The following MAGI2 variants were observed in gnomAD, a reference collection of about 807,000 sequenced individuals.
MAGI2 encodes the protein membrane associated guanylate kinase, WW and PDZ domain containing 2.
A neutral mutation model predicts 133.3 loss-of-function variants in MAGI2; 35 were observed. That is an observed-to-expected ratio of 0.26 (90% CI 0.20 to 0.35). The LOEUF is 0.35. Ranked by LOEUF, MAGI2 falls within the 10% of genes least tolerant of loss-of-function variation. The pLI is 1.00. For missense variants in MAGI2, 1,636 were observed against 1,863.4 expected (o/e 0.88, Z 2.25); for synonymous variants, 729 against 710.6 (o/e 1.03, Z -0.41).
chr7:78,973,280 A>C (rs1025895931), intron 2 of MAGI2, among the ~76,000 whole-genome samples: 21 of 151,994 alleles, frequency 1.4e-4, no homozygotes, highest in Admixed American at 1.2e-3. Flanking sequence ...TCTAGGTATA[A>C]CTATTGTTTA....
intron 2 of MAGI2, among the ~76,000 whole-genome samples, chr7:78,980,672 A>AT (rs1226717267): frequency 6.6e-6 from 1 of 151,834 alleles, no homozygotes; most frequent in African/African-American, 2.4e-5. Flanking sequence ...CCTATTTTAG[A>AT]TTTAATAATT....
intron 2 of MAGI2, among the ~76,000 whole-genome samples, chr7:79,003,679 C>T (rs1321361684): frequency 1.3e-5 from 2 of 152,196 alleles, no homozygotes; most frequent in African/African-American, 4.8e-5. Flanking sequence ...ATCATGGACA[C>T]ACTTCTACTG....
chr7:79,045,346 G>A (rs1812073681), intron 1 of MAGI2, among the ~76,000 whole-genome samples: 1 of 152,160 alleles, frequency 6.6e-6, no homozygotes, highest in South Asian at 2.1e-4. Context: ...TGCTTAAAAT[G>A]AGTGCATTTT....
intron 2 of MAGI2, among the ~76,000 whole-genome samples, chr7:78,916,019 G>T (rs1193805276): frequency 6.6e-6 from 1 of 152,036 alleles, no homozygotes; most frequent in Non-Finnish European, 1.5e-5. Context: ...TTATATAAGA[G>T]AGATGGATTA....
intron 1 of MAGI2, among the ~76,000 whole-genome samples, chr7:79,032,299 T>C (rs1810669339): frequency 1.3e-5 from 2 of 152,038 alleles, no homozygotes; most frequent in Admixed American, 1.3e-4. Flanking sequence ...GGCAGATCAT[T>C]TGAGGTCAGG....
At chr7:78,483,553 GC>G (rs1792651789) in intron 6 of MAGI2, among the ~76,000 whole-genome samples, 2 of 151,602 alleles carry the variant, frequency 1.3e-5, no homozygotes, top group Non-Finnish European at 2.9e-5. Context: ...ACAGATGCCA[GC>G]CACAACCCAA....
At chr7:79,050,151 A>C (rs1812543534) in intron 1 of MAGI2, among the ~76,000 whole-genome samples, 1 of 152,134 alleles carries the variant, frequency 6.6e-6, no homozygotes, top group Non-Finnish European at 1.5e-5. Context: ...AGTTTCAGCT[A>C]GAAGTCTGTT....
At chr7:78,983,160 G>A (rs1188378503) in intron 2 of MAGI2, among the ~76,000 whole-genome samples, 2 of 151,878 alleles carry the variant, frequency 1.3e-5, no homozygotes, top group African/African-American at 4.8e-5. Flanking sequence ...CTTTTAAAAT[G>A]TGGTTAGTAA....
intron 16 of MAGI2, among the ~76,000 whole-genome samples, chr7:78,149,893 T>C (rs900277169): frequency 3.3e-5 from 5 of 152,120 alleles, no homozygotes; most frequent in African/African-American, 4.8e-5. Context: ...AGAGGTCAGA[T>C]TGAAAAATGA....
At chr7:78,157,753 T>A (rs2150599932) in intron 16 of MAGI2, among the ~76,000 whole-genome samples, 1 of 152,350 alleles carries the variant, frequency 6.6e-6, no homozygotes, top group East Asian at 1.9e-4. Context: ...GAAGGCTGTT[T>A]ATATAATTCA....
chr7:78,264,956 C>G (rs908362992), intron 9 of MAGI2, among the ~76,000 whole-genome samples: 1 of 152,134 alleles, frequency 6.6e-6, no homozygotes, highest in African/African-American at 2.4e-5. Flanking sequence ...ACACTCTTAT[C>G]TATAGGCAGA....
intron 1 of MAGI2, among the ~76,000 whole-genome samples, chr7:79,143,387 C>T (rs976595664): frequency 6.6e-6 from 1 of 152,194 alleles, no homozygotes; most frequent in African/African-American, 2.4e-5. Context: ...TATGCAAACA[C>T]AGGTTTGTTG....
intron 2 of MAGI2, among the ~76,000 whole-genome samples, chr7:78,689,403 C>T (rs1816713345): frequency 6.6e-6 from 1 of 151,796 alleles, no homozygotes; most frequent in African/African-American, 2.4e-5. Flanking sequence ...AGAAAAAAAC[C>T]ATTCTTTTAA....
At chr7:78,799,303 G>T (rs1787869400) in intron 2 of MAGI2, among the ~76,000 whole-genome samples, 1 of 152,132 alleles carries the variant, frequency 6.6e-6, no homozygotes, top group Admixed American at 6.6e-5. Context: ...AATTCTGTAA[G>T]CATTACCTGG....
intron 1 of MAGI2, among the ~76,000 whole-genome samples, chr7:79,210,694 C>T (rs1829429573): frequency 6.6e-6 from 1 of 152,088 alleles, no homozygotes; most frequent in South Asian, 2.1e-4. Context: ...ACATTTCATT[C>T]TACTTCCAGC....
At chr7:79,315,739 T>C (rs1838673942) in intron 1 of MAGI2, among the ~76,000 whole-genome samples, 1 of 152,062 alleles carries the variant, frequency 6.6e-6, no homozygotes, top group Non-Finnish European at 1.5e-5. Flanking sequence ...TAAAGTCCAG[T>C]AACTCTGGGC....
At position 78,306,083 on chromosome 7, in the gene MAGI2, G is replaced by A. The variant is rs555253376; in HGVS notation, c.1408+37695C>T. ...CAAGTCGTTGTTGTGGTAACAAAGA[G>A]AAGACCACCTGTGTTTGTTGAACTG... is the stretch of plus-strand genomic sequence containing the variant. On this transcript the variant is annotated intron_variant, in intron 9 of 21. Transcript: ENST00000354212. Among the ~76,000 whole-genome samples the A allele has an allele frequency of 3.9e-5, 6 of 152,266 alleles. No homozygotes were observed. The South Asian group carries it at 1.0e-3, about 26-fold the overall frequency.
intron 2 of MAGI2, among the ~76,000 whole-genome samples, chr7:78,793,632 T>A (rs911176658): frequency 6.6e-6 from 1 of 152,202 alleles, no homozygotes; most frequent in Non-Finnish European, 1.5e-5. Flanking sequence ...ATCTTCTCAA[T>A]AGATTTAGAA....
At chr7:79,448,945 A>G (rs1415366069) in intron 1 of MAGI2, among the ~76,000 whole-genome samples, 1 of 152,142 alleles carries the variant, frequency 6.6e-6, no homozygotes, top group Non-Finnish European at 1.5e-5. Context: ...GGTATCACTT[A>G]TAAATTATGC....
Sources: allele counts gnomAD v4.1 joint callset (sites outside exome capture counted in the v4.1 genomes callset), GRCh38; gene constraint gnomAD v4.1.1; transcripts MANE v1.5; gene names NCBI Gene and HGNC (gene_info 2026-07-23, HGNC 2026-07-21).